BLK: variants seen among roughly 807,000 people sequenced by gnomAD.
BLK encodes tyrosine-protein kinase Blk.
BLK carries 64 observed loss-of-function variants against 61.8 expected under a neutral mutation model. The ratio of observed to expected loss-of-function variants is 1.03; its 90% CI spans 0.85 to 1.27. The LOEUF is 1.27. Ranked by LOEUF, BLK falls within the 50% of genes most tolerant of loss-of-function variation. BLK has a pLI of 0.00. For missense variants in BLK, 853 were observed against 660.5 expected (o/e 1.29, Z -3.19); for synonymous variants, 351 against 272.0 (o/e 1.29, Z -2.86).
At chr8:11,504,789 C>T (rs1443037642) in intron 1 of BLK, among the ~76,000 whole-genome samples, 1 of 152,168 alleles carries the variant, frequency 6.6e-6, no homozygotes, top group Non-Finnish European at 1.5e-5. Flanking sequence ...TGTTGGGCAC[C>T]CTGGTGCTCT....
intron 1 of BLK, among the ~76,000 whole-genome samples, chr8:11,502,082 G>A (rs918736386): frequency 1.1e-4 from 16 of 152,134 alleles, no homozygotes; most frequent in African/African-American, 2.9e-4. Flanking sequence ...TTCGAGATGC[G>A]CAGCAGCACA....
At position 11,552,995 on chromosome 8, in the gene BLK, T is replaced by G. The variant is rs187398067; in HGVS notation, c.473-1748T>G. 2.5e-3 allele frequency: 389 copies of G among 156,844 alleles called. 1 individual carries two copies. Among genetic ancestry groups the G allele is most frequent in the African/African-American group, 8.4e-3 (351 of 41,582 alleles). The allele number at this position is 156,844 out of a possible 1,614,324, so 9.7% of individuals were successfully genotyped here. A position where few individuals can be genotyped will look rare whatever the true frequency, so the allele number is the denominator to read the frequency against. On this transcript the variant is annotated intron_variant, in intron 6 of 12. Coordinates refer to ENST00000259089, the MANE Select transcript of BLK (RefSeq NM_001715.3). ...GTGCACACATACACATGCAAACACA[T>G]ACACATGTCCACGCATGCACATATA...
intron 1 of BLK, among the ~76,000 whole-genome samples, chr8:11,505,366 G>T (rs995169329): frequency 1.7e-4 from 26 of 152,122 alleles, no homozygotes; most frequent in African/African-American, 6.0e-4. Context: ...GGAGAAGGGA[G>T]ACAGCACCCG....
intron 6 of BLK, among the ~76,000 whole-genome samples, chr8:11,553,749 G>A (rs1047808315): frequency 1.3e-5 from 2 of 152,154 alleles, no homozygotes; most frequent in African/African-American, 4.8e-5. Flanking sequence ...ACAGCATGGC[G>A]TACGCCTCTG....
Position 11,543,312 on chromosome 8 carries a change from G to A in BLK, c.88G>A (p.Ala30Thr), listed in dbSNP as rs775270203. Residue 30 changes from alanine to threonine, a missense_variant, in exon 2 of 13, where the codon GCC (alanine) becomes ACC (threonine). Coordinates refer to ENST00000259089, the MANE Select transcript of BLK (RefSeq NM_001715.3). The stretch of plus-strand genomic sequence containing the variant: ...CCAATGGAGCCCCCTGAAGGTCAGC[G>A]CCCAAGACAAGGACGCCCCGCCACT... ...KGQWSPLKVS[A>T]QDKDAPPLPP... 1.5e-5 allele frequency: 25 copies of A among 1,613,264 alleles called. No homozygotes were observed. Among genetic ancestry groups the A allele is most frequent in the Admixed American group, 5.0e-5 (3 of 59,996 alleles).
At position 11,561,371 on chromosome 8, in the gene BLK, CT is replaced by C; in HGVS notation, c.1100del (p.Leu367ArgfsTer59). 6.2e-7 allele frequency: 1 copy of C among 1,614,162 alleles called. No homozygotes were observed. Among genetic ancestry groups the C allele is most frequent in the Non-Finnish European group, 8.5e-7 (1 of 1,180,018 alleles). On this transcript the variant is annotated frameshift_variant, in exon 11 of 13. Transcript: ENST00000259089. LOFTEE classifies it high-confidence loss of function. Reference sequence around the variant, plus strand: ...CCGCGACCTGCGGGCGGCCAACATCCTGGTGTCTGAGGCCTTGTGCTGCAAA... The same window carrying C: ...CCGCGACCTGCGGGCGGCCAACATCCGGTGTCTGAGGCCTTGTGCTGCAAA... ...IHRDLRAANI[L>X]VSEALCCKIA...
At chr8:11,556,994 G>T (rs1306921572) in intron 9 of BLK, among the ~76,000 whole-genome samples, 157 bp downstream of exon 9, 1 of 151,642 alleles carries the variant, frequency 6.6e-6, no homozygotes, top group Non-Finnish European at 1.5e-5. Flanking sequence ...GAGGGAGGGG[G>T]AGGGACAGAG....
intron 1 of BLK, among the ~76,000 whole-genome samples, chr8:11,524,456 C>G (rs184246925): frequency 2.6e-5 from 4 of 152,080 alleles, no homozygotes; most frequent in Admixed American, 6.5e-5. Flanking sequence ...TTTTTGTAAG[C>G]CAGCTCAGAA....
chr8:11,535,288 G>GAAAGAAAGAAAT (rs1800077560), intron 1 of BLK, among the ~76,000 whole-genome samples: 4 of 141,652 alleles, frequency 2.8e-5, no homozygotes, highest in African/African-American at 1.0e-4. Flanking sequence ...AAGAAAGAAA[G>GAAAGAAAGAAAT]AAAGAAAGAA....
At chr8:11,563,210 A>C in intron 12 of BLK, 100 bp downstream of exon 12, 3 of 1,552,336 alleles carry the variant, frequency 1.9e-6, no homozygotes, top group Non-Finnish European at 2.6e-6. Flanking sequence ...TGTTCTTTTC[A>C]GAGTGAGTCC....
intron 10 of BLK, among the ~76,000 whole-genome samples, chr8:11,559,155 T>C (rs189296579): frequency 2.6e-5 from 4 of 152,228 alleles, no homozygotes; most frequent in East Asian, 1.9e-4. Flanking sequence ...GGGCAAAGGA[T>C]GTGAAAAGCC....
chr8:11,501,064 C>G (rs1296992217), intron 1 of BLK, among the ~76,000 whole-genome samples: 1 of 151,986 alleles, frequency 6.6e-6, no homozygotes, highest in Non-Finnish European at 1.5e-5. Context: ...CAAAAATTAG[C>G]TGGGCATGGT....
At chr8:11,550,919 TAATA>T (rs1268230037) in intron 6 of BLK, among the ~76,000 whole-genome samples, 1 of 152,190 alleles carries the variant, frequency 6.6e-6, no homozygotes, top group African/African-American at 2.4e-5. Context: ...TATAGGGTAA[TAATA>T]AACAAATCCC....
At chr8:11,554,676 C>T in intron 6 of BLK, 67 bp from the exon 7 acceptor site, 1 of 1,588,710 alleles carries the variant, frequency 6.3e-7, no homozygotes, top group Non-Finnish European at 8.6e-7. Context: ...AAAATGAGGC[C>T]CAAATCCCAG....
intron 10 of BLK, among the ~76,000 whole-genome samples, chr8:11,559,352 CACAT>C (rs1279716601): frequency 2.7e-4 from 41 of 151,894 alleles, no homozygotes; most frequent in Middle Eastern, 6.8e-3. Flanking sequence ...CAAACACAAA[CACAT>C]ACACAGACTC....
intron 1 of BLK, among the ~76,000 whole-genome samples, chr8:11,504,120 T>C (rs1388863460): frequency 1.3e-5 from 2 of 152,114 alleles, no homozygotes; most frequent in Non-Finnish European, 2.9e-5. Flanking sequence ...GGTCAGGAGT[T>C]TGAGACTGGT....
At chr8:11,555,190 T>A in intron 7 of BLK, 142 bp from the exon 8 acceptor site, 5 of 1,151,154 alleles carry the variant, frequency 4.3e-6, no homozygotes, top group South Asian at 3.7e-5. Flanking sequence ...TGAGTGTGTG[T>A]GCATGTGCAG....
At chr8:11,543,050 C>CCGCTT (rs1263625873) in intron 1 of BLK, among the ~76,000 whole-genome samples, 174 bp from the exon 2 acceptor site, 3 of 152,136 alleles carry the variant, frequency 2.0e-5, no homozygotes, top group African/African-American at 7.2e-5. Context: ...AGATGGACAC[C>CCGCTT]CATTTAGCTC....
intron 1 of BLK, among the ~76,000 whole-genome samples, chr8:11,525,644 AAC>A (rs1799624227): frequency 6.6e-6 from 1 of 152,230 alleles, no homozygotes; most frequent in African/African-American, 2.4e-5. Context: ...CAAAAATTTA[AAC>A]AGTCAGAAAA....
Sources: allele counts gnomAD v4.1 joint callset (sites outside exome capture counted in the v4.1 genomes callset), GRCh38; gene constraint gnomAD v4.1.1; transcripts MANE v1.5; gene names NCBI Gene and HGNC (gene_info 2026-07-23, HGNC 2026-07-21).